The following HECTD4 variants were observed in gnomAD, a reference collection of about 807,000 sequenced individuals.
HECTD4 encodes the protein probable E3 ubiquitin-protein ligase HECTD4.
In HECTD4, 114 loss-of-function variants were observed where a neutral mutation model predicts 471.5. The observed-to-expected ratio is 0.24, with a 90% CI of 0.21 to 0.28. The LOEUF (loss-of-function observed/expected upper bound fraction) is 0.28, where lower values mean the gene tolerates loss of function less well. HECTD4 is among the 10% of genes least tolerant of loss of function. The probability of loss-of-function intolerance (pLI) is 1.00; values close to 1 mark genes in which losing one functional copy is unlikely to be tolerated. For missense variants in HECTD4, 3,866 were observed against 5,651.5 expected (o/e 0.68, Z 10.13); for synonymous variants, 2,012 against 2,256.0 (o/e 0.89, Z 3.07).
intron 55 of HECTD4, 131 bp from the exon 56 acceptor site, chr12:112,195,197 T>C (rs1416860267): frequency 1.4e-6 from 1 of 691,068 alleles, no homozygotes; most frequent in Non-Finnish European, 2.3e-6. Context: ...TTCCAAACCC[T>C]AAAGGAGTCA....
intron 1 of HECTD4, among the ~76,000 whole-genome samples, chr12:112,360,346 T>A (rs889481932): frequency 6.6e-6 from 1 of 152,044 alleles, no homozygotes; most frequent in Non-Finnish European, 1.5e-5. Flanking sequence ...AATAAATGAA[T>A]AAAATGTATA....
intron 1 of HECTD4, among the ~76,000 whole-genome samples, chr12:112,357,211 T>C (rs375589138): frequency 6.6e-6 from 1 of 152,036 alleles, no homozygotes; most frequent in Non-Finnish European, 1.5e-5. Context: ...CATTGCCTAA[T>C]GATAGGCATT....
intron 16 of HECTD4, among the ~76,000 whole-genome samples, chr12:112,264,860 GTT>G (rs956331957): frequency 6.6e-6 from 1 of 152,180 alleles, no homozygotes; most frequent in Non-Finnish European, 1.5e-5. Context: ...CACCTCCTGG[GTT>G]CACGTGATTC....
At chr12:112,301,183 G>A (rs2035157882) in intron 7 of HECTD4, among the ~76,000 whole-genome samples, 1 of 150,082 alleles carries the variant, frequency 6.7e-6, no homozygotes, top group Admixed American at 6.7e-5. Flanking sequence ...ACCACGCCCG[G>A]TCGTACTTTT....
Position 112,163,365 on chromosome 12 carries a change from G to T in HECTD4, c.12898-101C>A. The T allele has an allele frequency of 8.6e-7, 1 of 1,166,240 alleles. No homozygotes were observed. Among genetic ancestry groups the T allele is most frequent in the Non-Finnish European group, 1.2e-6 (1 of 825,964 alleles). 72.2% of individuals were successfully genotyped at this position (1,166,240 alleles called of 1,614,324 possible). ...AGGCCAGGCCCAATCCTGGGGCAGGGTGCAACGTGTGGGCTGTGAGCACAG... is the reference window on the plus strand; with the variant it reads ...AGGCCAGGCCCAATCCTGGGGCAGGTTGCAACGTGTGGGCTGTGAGCACAG... On this transcript the variant is annotated intron_variant, in intron 74 of 75. Transcript: ENST00000682272. The surrounding 1 kb of genome is among the most constrained non-coding windows in gnomAD (Gnocchi z 8.2).
In HECTD4 at chr12:112,264,165, A is replaced by T. The variant is rs1162725494; in HGVS notation, c.2667T>A (p.Leu889=). 3.1e-6 allele frequency: 5 copies of T among 1,606,750 alleles called. No individual in the cohort carries two copies. Among genetic ancestry groups the T allele is most frequent in the Non-Finnish European group, 4.2e-6 (5 of 1,176,474 alleles). ...LRYLMAVQNH[L]LSNTILIKPD... ...GTTTAATCAAAATAGTGTTACTGAG[A>T]AGGTGATTCTGAACTGCCATCAGAT... The change falls in exon 17 of 76, where the codon CTT becomes CTA. Residue 889 remains leucine (L), a synonymous_variant. Coordinates refer to ENST00000682272, the MANE Select transcript of HECTD4 (RefSeq NM_001388303.1).
chr12:112,246,636 AAAAAT>A (rs2033769486), intron 29 of HECTD4, among the ~76,000 whole-genome samples: 2 of 152,328 alleles, frequency 1.3e-5, no homozygotes, highest in South Asian at 4.1e-4. Context: ...CTCAGTCTCA[AAAAAT>A]AAAATAAAAT....
chr12:112,344,874 C>T (rs1278793513), intron 1 of HECTD4, among the ~76,000 whole-genome samples: 10 of 151,956 alleles, frequency 6.6e-5, no homozygotes, highest in East Asian at 1.9e-4. Context: ...GCTGAGATCA[C>T]GCCATTGCAC....
At chr12:112,316,759 C>T (rs1317914337) in intron 2 of HECTD4, among the ~76,000 whole-genome samples, 1 of 151,796 alleles carries the variant, frequency 6.6e-6, no homozygotes, top group East Asian at 1.9e-4. Flanking sequence ...CAATAATATG[C>T]CACTAATAAC....
rs2036848285 is a variant in HECTD4 at position 112,379,451 on chromosome 12, T to C, written c.177+2501A>G. On this transcript the variant is annotated intron_variant, in intron 1 of 75. Transcript: ENST00000682272. The stretch of plus-strand genomic sequence containing the variant: ...GCTCATGCCTGTAATCCCAGCACTT[T>C]GGGAGGCCAAGGCAGGCGGATCACC... 2.0e-5 allele frequency among the ~76,000 whole-genome samples: 3 copies of C among 152,234 alleles called. 1 individual carries two copies. The South Asian group carries it at 6.2e-4, about 31-fold the overall frequency.
chr12:112,227,265 G>A (rs2135562115), intron 43 of HECTD4, among the ~76,000 whole-genome samples: 1 of 152,244 alleles, frequency 6.6e-6, no homozygotes, highest in Non-Finnish European at 1.5e-5. Context: ...TTTCAGACCA[G>A]CCTGGCCAAC....
rs761235934 is a variant in HECTD4, at chr12:112,184,697, G to T, written c.10269C>A (p.Ala3423=). The T allele has an allele frequency of 1.2e-6, 2 of 1,606,336 alleles. No homozygotes were observed. The highest frequency in any genetic ancestry group is 2.8e-5 in the African/African-American group (2 of 72,342). Residue 3423 remains alanine (A), a synonymous_variant, in exon 61 of 76, where the codon GCC becomes GCA. Transcript: ENST00000682272. The surrounding 1 kb of genome is among the most constrained non-coding windows in gnomAD (Gnocchi z 9.1). ...VRGAIRKACN[A]HGGVFKDEIY... ...TCTCGTCTTTGAAGACCCCGCCGTG[G>T]GCGTTGCAGGCCTTGCGGATGGCGC... is the stretch of plus-strand genomic sequence containing the variant.
At chr12:112,326,667 C>G (rs528286507) in intron 1 of HECTD4, among the ~76,000 whole-genome samples, 9 of 152,050 alleles carry the variant, frequency 5.9e-5, no homozygotes, top group Non-Finnish European at 1.2e-4. Flanking sequence ...TGAGGATAGG[C>G]ATATAGACGC....
At chr12:112,302,736 G>A (rs889132577) in intron 7 of HECTD4, 5 of 387,896 alleles carry the variant, frequency 1.3e-5, no homozygotes, top group African/African-American at 8.3e-5. Flanking sequence ...CATATTAGAA[G>A]CTTTCCTCAC....
rs185342522 is a variant in HECTD4 at position 112,304,742 on chromosome 12, A to G, written c.1335+1322T>C. Among the ~76,000 whole-genome samples, 412 of 152,276 alleles carry G rather than the reference A, an allele frequency of 2.7e-3. 1 individual carries two copies. Among genetic ancestry groups the G allele is most frequent in the Non-Finnish European group, 3.8e-3 (260 of 68,032 alleles). ...TGTTCAATCTGTAGCAGACCAATTCAAAGATTCACTCTGGCAGGGACATTT... is the reference window on the plus strand; with the variant it reads ...TGTTCAATCTGTAGCAGACCAATTCGAAGATTCACTCTGGCAGGGACATTT... On this transcript the variant is annotated intron_variant, in intron 7 of 75. Transcript: ENST00000682272.
At position 112,194,263 on chromosome 12, in the gene HECTD4, T is replaced by C. The variant is rs750498102; in HGVS notation, c.8750-589A>G. ...ACCCAGGATGCTGACTGAGCCTAGA[T>C]TGCTATCTGCAAGTGAGCTTTGAGG... On this transcript the variant is annotated intron_variant, in intron 56 of 75. Transcript: ENST00000682272. This position sits in a 1 kb window ranked among gnomAD's most constrained non-coding sequence, Gnocchi z 4.6. Among the ~76,000 whole-genome samples the C allele has an allele frequency of 5.9e-5, 9 of 152,228 alleles. No homozygotes were observed. The highest frequency in any genetic ancestry group is 1.2e-4 in the Non-Finnish European group (8 of 68,038).
chr12:112,374,440 G>T (rs1433922727), intron 1 of HECTD4, among the ~76,000 whole-genome samples: 1 of 152,116 alleles, frequency 6.6e-6, no homozygotes, highest in South Asian at 2.1e-4. Flanking sequence ...TAACTTCAAG[G>T]CAATACTGTC....
chr12:112,221,876 T>A (rs559016463), intron 44 of HECTD4, among the ~76,000 whole-genome samples: 97 of 144,694 alleles, frequency 6.7e-4, no homozygotes, highest in Non-Finnish European at 6.8e-4. Flanking sequence ...TGCCTCAGCC[T>A]CCTGAGTAGC....
intron 7 of HECTD4, among the ~76,000 whole-genome samples, chr12:112,287,745 C>A (rs11066237): frequency 0.015 from 2,302 of 151,784 alleles, 63 homozygotes; most frequent in African/African-American, 0.052. Context: ...CACAGTGAGA[C>A]CCCACTCTCT....
Sources: gnomAD v4.1 joint callset for allele counts (sites outside exome capture counted in the v4.1 genomes callset) on GRCh38, gnomAD v4.1.1 for gene constraint, Gnocchi (gnomAD v3.1) non-coding constraint, MANE v1.5 for transcripts, NCBI Gene and HGNC (gene_info 2026-07-23, HGNC 2026-07-21) for gene names.